Variants in LHFPL3 observed in about 807,000 individuals in gnomAD.
LHFPL3 encodes LHFPL tetraspan subfamily member 3.
Under a neutral mutation model 19.3 loss-of-function variants are expected in LHFPL3, and 5 were observed. The observed-to-expected ratio is 0.26, with a 90% CI of 0.14 to 0.54. LHFPL3 has a LOEUF of 0.54. LHFPL3 is among the 20% of genes least tolerant of loss of function. LHFPL3 has a pLI of 0.94. For missense variants in LHFPL3, 249 were observed against 307.4 expected, an observed-to-expected ratio of 0.81 and a Z score of 1.42; for synonymous variants, 133 against 126.2, an observed-to-expected ratio of 1.05 and a Z score of -0.36.
chr7:104,379,859 T>C (rs1293920852), intron 1 of LHFPL3, among the ~76,000 whole-genome samples: 1 of 152,214 alleles, frequency 6.6e-6, no homozygotes, highest in Non-Finnish European at 1.5e-5. Flanking sequence ...ATGCCAAGTG[T>C]TGCACAAACT....
chr7:104,893,316 C>T (rs1584602114), intron 2 of LHFPL3, among the ~76,000 whole-genome samples: 1 of 151,936 alleles, frequency 6.6e-6, no homozygotes, highest in Non-Finnish European at 1.5e-5. Context: ...GAGTTCAAGA[C>T]CAGCCTGGCC....
At chr7:104,571,389 T>A (rs1049559088) in intron 1 of LHFPL3, among the ~76,000 whole-genome samples, 1 of 152,118 alleles carries the variant, frequency 6.6e-6, no homozygotes, top group African/African-American at 2.4e-5. Context: ...TGGCAAAGGA[T>A]GAGGTGCGGG....
chr7:104,689,878 G>C (rs545174804), intron 1 of LHFPL3, among the ~76,000 whole-genome samples: 1 of 152,286 alleles, frequency 6.6e-6, no homozygotes, highest in South Asian at 2.1e-4. Flanking sequence ...TTTCCCCAGG[G>C]CCAGAATGCA....
intron 2 of LHFPL3, among the ~76,000 whole-genome samples, chr7:104,804,937 A>G (rs541710301): frequency 6.6e-6 from 1 of 152,334 alleles, no homozygotes; most frequent in East Asian, 1.9e-4. Context: ...ATACTGTTAT[A>G]CAATAATAGA....
intron 1 of LHFPL3, among the ~76,000 whole-genome samples, chr7:104,683,949 G>GTTT (rs1792759728): frequency 6.6e-6 from 1 of 152,124 alleles, no homozygotes; most frequent in African/African-American, 2.4e-5. Context: ...CACGATATTT[G>GTTT]TGAAAAGGCA....
In LHFPL3 at chr7:104,908,392, TA is replaced by T. The variant is rs139211927; in HGVS notation, c.*2187del. Among the ~76,000 whole-genome samples the T allele has an allele frequency of 6.7e-5, 10 of 148,180 alleles. No homozygotes were observed. The highest frequency in any genetic ancestry group is 2.0e-4 in the African/African-American group (8 of 40,482). On this transcript the variant is annotated 3_prime_UTR_variant, in exon 3 of 3. Coordinates refer to ENST00000424859, the MANE Select transcript of LHFPL3 (RefSeq NM_199000.3). ...TATAAGAAGTAGGTTTTTATCTTTTTAAAAAAAAAACAAAAAAGGTGACTCC... is the reference window on the plus strand; with the variant it reads ...TATAAGAAGTAGGTTTTTATCTTTTTAAAAAAAAACAAAAAAGGTGACTCC...
intron 2 of LHFPL3, among the ~76,000 whole-genome samples, chr7:104,855,418 T>A (rs1469788505): frequency 6.6e-6 from 1 of 152,214 alleles, no homozygotes; most frequent in Non-Finnish European, 1.5e-5. Flanking sequence ...CAAGTCACAT[T>A]CTTATGTTTC....
intron 1 of LHFPL3, among the ~76,000 whole-genome samples, chr7:104,651,551 G>A (rs1792034331): frequency 6.6e-6 from 1 of 152,236 alleles, no homozygotes; most frequent in Non-Finnish European, 1.5e-5. Context: ...GAGGCAGGGT[G>A]CCTGTCTCTG....
At chr7:104,854,503 G>A (rs999716789) in intron 2 of LHFPL3, among the ~76,000 whole-genome samples, 2 of 152,154 alleles carry the variant, frequency 1.3e-5, no homozygotes, top group Non-Finnish European at 2.9e-5. Flanking sequence ...ATTTCAGGAT[G>A]GCATACTCTA....
chr7:104,398,604 T>A (rs902417037), intron 1 of LHFPL3, among the ~76,000 whole-genome samples: 3 of 152,196 alleles, frequency 2.0e-5, no homozygotes, highest in Admixed American at 2.0e-4. Flanking sequence ...CCATCCTACA[T>A]TTCTTATCCT....
chr7:104,593,529 G>C (rs1790772938), intron 1 of LHFPL3, among the ~76,000 whole-genome samples: 1 of 152,170 alleles, frequency 6.6e-6, no homozygotes. Context: ...ATTTGGGGTG[G>C]AGAGTTCTGT....
intron 1 of LHFPL3, among the ~76,000 whole-genome samples, chr7:104,626,265 T>A (rs1791544921): frequency 6.6e-6 from 1 of 152,196 alleles, no homozygotes; most frequent in African/African-American, 2.4e-5. Flanking sequence ...ATGGCAGGGC[T>A]GTGAGCATCA....
chr7:104,860,011 C>A (rs1421359570), intron 2 of LHFPL3, among the ~76,000 whole-genome samples: 2 of 152,108 alleles, frequency 1.3e-5, no homozygotes, highest in African/African-American at 2.4e-5. Context: ...CTAAAAGTAA[C>A]ATTTTTTCAG....
intron 1 of LHFPL3, among the ~76,000 whole-genome samples, chr7:104,718,732 C>T (rs954814567): frequency 3.9e-5 from 6 of 152,276 alleles, no homozygotes; most frequent in African/African-American, 1.4e-4. Context: ...CAAGTGCATA[C>T]AAATTTATTA....
At chr7:104,623,946 G>A (rs1791498082) in intron 1 of LHFPL3, among the ~76,000 whole-genome samples, 1 of 152,186 alleles carries the variant, frequency 6.6e-6, no homozygotes, top group African/African-American at 2.4e-5. Flanking sequence ...GTTTTGTTGT[G>A]AGTCACTAAG....
chr7:104,424,997 A>G (rs1791813297), intron 1 of LHFPL3, among the ~76,000 whole-genome samples: 1 of 150,740 alleles, frequency 6.6e-6, no homozygotes, highest in Non-Finnish European at 1.5e-5. Flanking sequence ...AAAAAAAAAA[A>G]AAAAAAAAGA....
chr7:104,342,829 G>C (rs1006244430), intron 1 of LHFPL3, among the ~76,000 whole-genome samples: 9 of 152,260 alleles, frequency 5.9e-5, no homozygotes, highest in African/African-American at 2.2e-4. Context: ...ATTTGAAACT[G>C]TACTGATAGT....
At chr7:104,726,323 G>A (rs1584499207) in intron 1 of LHFPL3, among the ~76,000 whole-genome samples, 3 of 133,416 alleles carry the variant, frequency 2.2e-5, no homozygotes, top group African/African-American at 5.4e-5. Context: ...TACGATGATG[G>A]ACCAAAGACT....
At chr7:104,598,101 G>T (rs1790898520) in intron 1 of LHFPL3, among the ~76,000 whole-genome samples, 1 of 152,170 alleles carries the variant, frequency 6.6e-6, no homozygotes, top group Admixed American at 6.5e-5. Context: ...GAAGGGACAA[G>T]ATGATGTTGA....
Sources: gnomAD v4.1 joint callset for allele counts (sites outside exome capture counted in the v4.1 genomes callset) on GRCh38, gnomAD v4.1.1 for gene constraint, MANE v1.5 for transcripts, NCBI Gene and HGNC (gene_info 2026-07-23, HGNC 2026-07-21) for gene names.